Variants in FNIP1 observed in about 807,000 individuals in gnomAD.
The protein encoded by FNIP1 is folliculin interacting protein 1.
FNIP1 carries 40 observed loss-of-function variants against 124.5 expected under a neutral mutation model. The observed-to-expected ratio is 0.32, with a 90% CI of 0.25 to 0.42. The LOEUF (loss-of-function observed/expected upper bound fraction) is 0.42. Among genes scored for constraint, FNIP1 ranks in the 10% least tolerant of loss-of-function variants. The pLI is 1.00. For synonymous variants in FNIP1, 472 were observed against 470.6 expected, an observed-to-expected ratio of 1.00 and a Z score of -0.04; for missense variants, 1,176 against 1,403.7, an observed-to-expected ratio of 0.84 and a Z score of 2.59.
At chr5:131,737,825 C>T (rs901219899) in intron 2 of FNIP1, among the ~76,000 whole-genome samples, 2 of 152,128 alleles carry the variant, frequency 1.3e-5, no homozygotes, top group Non-Finnish European at 2.9e-5. Context: ...CTGTTAGATT[C>T]TTAGTTCCAT....
At chr5:131,773,156 G>T (rs10223247) in intron 1 of FNIP1, among the ~76,000 whole-genome samples, 11,441 of 152,120 alleles carry the variant, frequency 0.075, 879 homozygotes, top group African/African-American at 0.2. Flanking sequence ...TTAGAATACA[G>T]CTCAATGCTA....
chr5:131,677,191 T>C (rs894952081), intron 13 of FNIP1, among the ~76,000 whole-genome samples: 33 of 152,242 alleles, frequency 2.2e-4, no homozygotes, highest in African/African-American at 7.0e-4. Context: ...AGCACCCTGG[T>C]ACAATCCCTC....
chr5:131,752,599 G>T (rs1021883001), intron 1 of FNIP1, among the ~76,000 whole-genome samples: 10 of 147,724 alleles, frequency 6.8e-5, no homozygotes, highest in African/African-American at 2.5e-4. Flanking sequence ...GCACATATCT[G>T]ATAAAAACTT....
chr5:131,671,570 T>C lies in FNIP1; in HGVS notation c.2874A>G (p.Gln958=), dbSNP rs1444558435. The C allele has an allele frequency of 6.2e-7, 1 of 1,613,664 alleles. No homozygotes were observed. The highest frequency in any genetic ancestry group is 8.5e-7 in the Non-Finnish European group (1 of 1,179,998). Residue 958 remains glutamine (Q), a synonymous_variant, in exon 14 of 18, where the codon CAA becomes CAG. Coordinates refer to ENST00000510461, the MANE Select transcript of FNIP1 (RefSeq NM_133372.3). ...GCTCTCCTCCATAATAACTGCTAACTTGTCTAGTCATATCATGACCTGTAT... is the reference window on the plus strand; with the variant it reads ...GCTCTCCTCCATAATAACTGCTAACCTGTCTAGTCATATCATGACCTGTAT... ...SEDTGHDMTR[Q]VSSYYGGEQE... is the part of the protein sequence containing the mutation.
chr5:131,718,675 A>G (rs1769551305), intron 5 of FNIP1, among the ~76,000 whole-genome samples: 1 of 152,248 alleles, frequency 6.6e-6, no homozygotes, highest in Non-Finnish European at 1.5e-5. Flanking sequence ...CACCAACCCT[A>G]CAGATTGTGG....
intron 2 of FNIP1, among the ~76,000 whole-genome samples, chr5:131,741,329 C>A (rs1255985874): frequency 6.6e-6 from 1 of 152,122 alleles, no homozygotes; most frequent in African/African-American, 2.4e-5. Context: ...GGAAGCTATA[C>A]ACTGATTAAC....
intron 11 of FNIP1, among the ~76,000 whole-genome samples, chr5:131,693,325 T>C (rs1387926330): frequency 0.1 from 6,162 of 59,316 alleles, 561 homozygotes; most frequent in Non-Finnish European, 0.16. Flanking sequence ...TACACATATA[T>C]ATATATACAT....
At chr5:131,789,384 T>C (rs539227846) in intron 1 of FNIP1, among the ~76,000 whole-genome samples, 2 of 152,208 alleles carry the variant, frequency 1.3e-5, no homozygotes, top group Non-Finnish European at 2.9e-5. Context: ...AACATGATTC[T>C]TATAATTGTT....
chr5:131,739,444 A>C (rs1219534683), intron 2 of FNIP1, among the ~76,000 whole-genome samples: 1 of 152,130 alleles, frequency 6.6e-6, no homozygotes, highest in Non-Finnish European at 1.5e-5. Context: ...CATATACCAA[A>C]ATTCCTGAAC....
rs769773043 is a variant in FNIP1 at position 131,719,016 on chromosome 5, G to A, written c.500C>T (p.Thr167Ile). 6.8e-6 allele frequency: 11 copies of A among 1,613,414 alleles called. No homozygotes were observed. Among genetic ancestry groups the A allele is most frequent in the East Asian group, 6.7e-5 (3 of 44,862 alleles). Reference protein sequence around the residue: ...LMLSKVFTARTGSSICGSLNT... With the variant: ...LMLSKVFTARIGSSICGSLNT... Reference sequence around the variant, plus strand: ...GAGACTCCCACAAATACTGCTGCCAGTCCGAGCAGTAAACACTTTGCTGAG... The same window carrying A: ...GAGACTCCCACAAATACTGCTGCCAATCCGAGCAGTAAACACTTTGCTGAG... The change falls in exon 5 of 18, where the codon ACT becomes ATT. Residue 167 changes from threonine to isoleucine, a missense_variant. By Grantham distance (89) the Thr-to-Ile change is moderately conservative (BLOSUM62 -1). Around this residue, in one of 2 missense-constraint regions of FNIP1, gnomAD observed 1,109 missense variants for 1,288.5 expected, o/e 0.86. Coordinates refer to ENST00000510461, the MANE Select transcript of FNIP1 (RefSeq NM_133372.3).
intron 10 of FNIP1, among the ~76,000 whole-genome samples, chr5:131,699,804 T>C (rs1232074013): frequency 6.7e-6 from 1 of 149,098 alleles, no homozygotes; most frequent in Non-Finnish European, 1.5e-5. Flanking sequence ...TAATCCCAGC[T>C]ATGAAAGAGG....
At chr5:131,768,772 G>A (rs754317222) in intron 1 of FNIP1, among the ~76,000 whole-genome samples, 5 of 152,086 alleles carry the variant, frequency 3.3e-5, no homozygotes, top group South Asian at 4.1e-4. Flanking sequence ...GCACTCCAGC[G>A]TGGGCGAGAG....
At position 131,785,079 on chromosome 5, in the gene FNIP1, CA is replaced by C. The variant is rs368824586; in HGVS notation, c.92+11750del. 3.4e-3 allele frequency among the ~76,000 whole-genome samples: 42 copies of C among 12,414 alleles called. 1 individual carries two copies. Among genetic ancestry groups the C allele is most frequent in the Admixed American group, 0.012 (15 of 1,204 alleles). The allele number at this position is 12,414 out of a possible 152,430, so 8.1% of individuals were successfully genotyped here. ...TATATCATATATATGATATATATGACATATATATATGATATATATGACTATA... is the reference window on the plus strand; with the variant it reads ...TATATCATATATATGATATATATGACTATATATATGATATATATGACTATA... On this transcript the variant is annotated intron_variant, in intron 1 of 17. Transcript: ENST00000510461.
At chr5:131,791,413 A>G (rs1469241477) in intron 1 of FNIP1, among the ~76,000 whole-genome samples, 1 of 152,252 alleles carries the variant, frequency 6.6e-6, no homozygotes, top group Non-Finnish European at 1.5e-5. Flanking sequence ...AACTTTGATG[A>G]ATAGGAAGTA....
At chr5:131,730,853 T>G in intron 3 of FNIP1, 51 bp downstream of exon 3, 1 of 1,494,588 alleles carries the variant, frequency 6.7e-7, no homozygotes, top group Non-Finnish European at 9.1e-7. Flanking sequence ...TGGATGATGT[T>G]CAAAACTAAT....
intron 1 of FNIP1, among the ~76,000 whole-genome samples, chr5:131,779,093 A>C (rs1219912366): frequency 6.8e-6 from 1 of 146,520 alleles, no homozygotes; most frequent in Non-Finnish European, 1.5e-5. Flanking sequence ...ACATGTATAC[A>C]TATGTAACTA....
Position 131,733,102 on chromosome 5 carries a change from G to A in FNIP1, c.220-2064C>T, listed in dbSNP as rs541973114. On this transcript the variant is annotated intron_variant, in intron 2 of 17. Coordinates refer to ENST00000510461, the MANE Select transcript of FNIP1 (RefSeq NM_133372.3). The stretch of plus-strand genomic sequence containing the variant: ...TTCTCTTTGAAGCAATTGTGAATGG[G>A]AGTTCACTCATGATTTGGCTCTCTG... 4.6e-3 allele frequency among the ~76,000 whole-genome samples: 704 copies of A among 152,160 alleles called. 7 individuals carry two copies. Among genetic ancestry groups the A allele is most frequent in the African/African-American group, 0.016 (668 of 41,514 alleles).
intron 1 of FNIP1, among the ~76,000 whole-genome samples, chr5:131,769,660 C>T (rs961161681): frequency 3.9e-5 from 6 of 152,182 alleles, no homozygotes; most frequent in African/African-American, 1.4e-4. Flanking sequence ...GCAATGGAAC[C>T]ATGAGGGACC....
At position 131,699,305 on chromosome 5, in the gene FNIP1, T is replaced by A. The variant is rs556789795; in HGVS notation, c.1117-303A>T. Among the ~76,000 whole-genome samples, 17 of 152,248 alleles carry A rather than the reference T, an allele frequency of 1.1e-4. No individual in the cohort carries two copies. In the South Asian group the frequency reaches 3.5e-3, roughly 32 times the overall value. ...TTTCTGGGTTACAAAAAACTTATTT[T>A]TCCCAAACAGAACAAGACATAATGA... On this transcript the variant is annotated intron_variant, in intron 10 of 17. Transcript: ENST00000510461.
Sources: gnomAD v4.1 joint callset for allele counts (sites outside exome capture counted in the v4.1 genomes callset) on GRCh38, gnomAD v4.1.1 for gene constraint, gnomAD v4.1.1 regional missense constraint, MANE v1.5 for transcripts, NCBI Gene and HGNC (gene_info 2026-07-23, HGNC 2026-07-21) for gene names.